Variants in CPE observed in about 807,000 individuals in gnomAD.
CPE encodes the protein carbocypeptidase E.
In CPE, 17 loss-of-function variants were observed where a neutral mutation model predicts 53.5. The observed-to-expected ratio is 0.32, with a 90% CI of 0.22 to 0.48. The LOEUF is 0.48. Among genes scored for constraint, CPE ranks in the 20% least tolerant of loss-of-function variants. The pLI is 0.99. For synonymous variants in CPE, 226 were observed against 228.8 expected (o/e 0.99, Z 0.11); for missense variants, 524 against 614.7 (o/e 0.85, Z 1.56).
chr4:165,470,323 G>C (rs1732183325), intron 3 of CPE, among the ~76,000 whole-genome samples: 1 of 152,142 alleles, frequency 6.6e-6, no homozygotes. Flanking sequence ...TTCCCTTGGG[G>C]TGGGCTGTCC....
At chr4:165,416,274 C>T (rs1383369300) in intron 1 of CPE, among the ~76,000 whole-genome samples, 3 of 152,168 alleles carry the variant, frequency 2.0e-5, no homozygotes, top group Admixed American at 6.5e-5. Context: ...GATCCTCTGG[C>T]CCTGACTCTG....
At chr4:165,390,624 C>T (rs1422285162) in intron 1 of CPE, among the ~76,000 whole-genome samples, 2 of 152,090 alleles carry the variant, frequency 1.3e-5, no homozygotes, top group African/African-American at 4.8e-5. Context: ...ATTGTCTCCC[C>T]ATTGTCCATA....
chr4:165,479,336 T>C (rs568736330), intron 3 of CPE, among the ~76,000 whole-genome samples: 39 of 152,294 alleles, frequency 2.6e-4, no homozygotes, highest in African/African-American at 8.7e-4. Context: ...ATTGAATACA[T>C]GGAATTGAGA....
intron 1 of CPE, among the ~76,000 whole-genome samples, chr4:165,389,823 A>G (rs1371545829): frequency 6.6e-6 from 1 of 152,194 alleles, no homozygotes; most frequent in African/African-American, 2.4e-5. Context: ...TCAGTGCTTT[A>G]TTTTCACAGT....
At chr4:165,396,843 C>T (rs1463877079) in intron 1 of CPE, among the ~76,000 whole-genome samples, 1 of 149,544 alleles carries the variant, frequency 6.7e-6, no homozygotes, top group Non-Finnish European at 1.5e-5. Flanking sequence ...CACTCAGACT[C>T]ACTTGAGACC....
intron 1 of CPE, among the ~76,000 whole-genome samples, chr4:165,423,528 C>T (rs1731263318): frequency 6.6e-6 from 1 of 151,788 alleles, no homozygotes; most frequent in Non-Finnish European, 1.5e-5. Context: ...ATCAAAATTT[C>T]CCTATGACAA....
At chr4:165,442,980 C>T (rs112834744) in intron 1 of CPE, among the ~76,000 whole-genome samples, 3,565 of 152,174 alleles carry the variant, frequency 0.023, 55 homozygotes, top group Non-Finnish European at 0.034. Flanking sequence ...CTAAGCTTAC[C>T]CTGTTTTTCA....
In CPE at chr4:165,379,672, T is replaced by C; in HGVS notation, c.307+144T>C. 1.2e-6 allele frequency: 1 copy of C among 862,734 alleles called. No homozygotes were observed. Among genetic ancestry groups the C allele is most frequent in the Non-Finnish European group, 1.7e-6 (1 of 598,146 alleles). 53.4% of individuals were successfully genotyped at this position (862,734 alleles called of 1,614,324 possible). A position where few individuals can be genotyped will look rare whatever the true frequency, so the allele number is the denominator to read the frequency against. On this transcript the variant is annotated intron_variant, in intron 1 of 8. Transcript: ENST00000402744. The surrounding 1 kb of genome is among the most constrained non-coding windows in gnomAD (Gnocchi z 6.0). Reference sequence around the variant, plus strand: ...GGTATCTAAGGTGGAAGGTGGGAAGTGGAGGGAGGGATGGAAATGGGGAAG... The same window carrying C: ...GGTATCTAAGGTGGAAGGTGGGAAGCGGAGGGAGGGATGGAAATGGGGAAG...
chr4:165,496,494 C>T (rs1732707248), intron 8 of CPE, among the ~76,000 whole-genome samples: 1 of 152,164 alleles, frequency 6.6e-6, no homozygotes, highest in East Asian at 1.9e-4. Flanking sequence ...AAAGGTTCAA[C>T]TATTTTGATC....
chr4:165,435,153 A>G (rs1837173), intron 1 of CPE, among the ~76,000 whole-genome samples: 89,262 of 152,064 alleles, frequency 0.59, 26,622 homozygotes, highest in East Asian at 0.75. Context: ...ACCCAGCCTC[A>G]AGTATTCCTT....
At chr4:165,403,514 TA>T (rs1034739719) in intron 1 of CPE, among the ~76,000 whole-genome samples, 1 of 152,194 alleles carries the variant, frequency 6.6e-6, no homozygotes, top group African/African-American at 2.4e-5. Context: ...GCCCCAGCTC[TA>T]AAATCCTACT....
chr4:165,486,567 G>T (rs1365223172), intron 5 of CPE, among the ~76,000 whole-genome samples: 2 of 152,100 alleles, frequency 1.3e-5, no homozygotes, highest in African/African-American at 4.8e-5. Context: ...CAAGATGAAA[G>T]GGTACACGCC....
chr4:165,472,474 TACTG>T (rs1324577745), intron 3 of CPE, among the ~76,000 whole-genome samples: 1 of 152,248 alleles, frequency 6.6e-6, no homozygotes, highest in Non-Finnish European at 1.5e-5. Context: ...TTATAATTAT[TACTG>T]ACAATGTATA....
intron 3 of CPE, among the ~76,000 whole-genome samples, chr4:165,479,125 A>G (rs1732356176): frequency 6.6e-6 from 1 of 152,258 alleles, no homozygotes; most frequent in African/African-American, 2.4e-5. Flanking sequence ...TGAATAGAAT[A>G]TTATAGAAGA....
At chr4:165,413,795 C>T (rs1361832987) in intron 1 of CPE, among the ~76,000 whole-genome samples, 2 of 152,116 alleles carry the variant, frequency 1.3e-5, no homozygotes, top group African/African-American at 4.8e-5. Flanking sequence ...TTTCTCAGAG[C>T]CTCTGGCATT....
At chr4:165,464,829 T>C (rs1055827668) in intron 2 of CPE, among the ~76,000 whole-genome samples, 9 of 152,204 alleles carry the variant, frequency 5.9e-5, no homozygotes, top group African/African-American at 2.2e-4. Context: ...AATGTTCTAA[T>C]AGTGTTCTGT....
intron 1 of CPE, among the ~76,000 whole-genome samples, chr4:165,388,888 A>G (rs1282101999): frequency 1.3e-5 from 2 of 152,156 alleles, no homozygotes; most frequent in Non-Finnish European, 2.9e-5. Context: ...CTTTAAGTTT[A>G]CTAGAGGAAA....
intron 1 of CPE, among the ~76,000 whole-genome samples, chr4:165,440,475 C>T (rs377023729): frequency 4.0e-5 from 6 of 148,798 alleles, no homozygotes; most frequent in Admixed American, 2.0e-4. Context: ...CACACACAAG[C>T]TGTGGTTTCT....
intron 7 of CPE, among the ~76,000 whole-genome samples, chr4:165,493,476 T>C (rs1732645263): frequency 6.6e-6 from 1 of 152,176 alleles, no homozygotes; most frequent in South Asian, 2.1e-4. Flanking sequence ...GCGTTAGAAA[T>C]CCGGGTGCAG....
Sources: allele counts gnomAD v4.1 joint callset (sites outside exome capture counted in the v4.1 genomes callset), GRCh38; gene constraint gnomAD v4.1.1; non-coding constraint Gnocchi (gnomAD v3.1); transcripts MANE v1.5; gene names NCBI Gene and HGNC (gene_info 2026-07-23, HGNC 2026-07-21).